The following IL1RAPL1 variants were observed in gnomAD, a reference collection of about 807,000 sequenced individuals.
The protein encoded by IL1RAPL1 is interleukin-1 receptor accessory protein-like 1.
Under a neutral mutation model 48.4 loss-of-function variants are expected in IL1RAPL1, and 3 were observed. The observed-to-expected ratio is 0.06, with a 90% CI of 0.03 to 0.16. IL1RAPL1 has a LOEUF of 0.16. Among genes scored for constraint, IL1RAPL1 ranks in the 10% least tolerant of loss-of-function variants. The probability of loss-of-function intolerance (pLI) is 1.00; values close to 1 mark genes in which losing one functional copy is unlikely to be tolerated. For missense variants in IL1RAPL1, 349 were observed against 530.6 expected (o/e 0.66, Z 3.36); for synonymous variants, 185 against 187.7 (o/e 0.99, Z 0.12).
At chrX:29,038,641 A>G (rs1325441095) in intron 2 of IL1RAPL1, among the ~76,000 whole-genome samples, 3 of 111,889 alleles carry the variant, frequency 2.7e-5, no homozygotes, top group Non-Finnish European at 5.6e-5. Flanking sequence ...TTTAAAATAT[A>G]CTGTTGAGAC....
chrX:28,905,138 T>G (rs2147328659), intron 2 of IL1RAPL1, among the ~76,000 whole-genome samples: 1 of 111,687 alleles, frequency 9.0e-6, no homozygotes, highest in African/African-American at 3.2e-5. Flanking sequence ...TAGATTTCAC[T>G]AGATCTTTAA....
chrX:29,495,255 T>C (rs1935201253), intron 5 of IL1RAPL1, among the ~76,000 whole-genome samples: 1 of 112,131 alleles, frequency 8.9e-6, no homozygotes, highest in Non-Finnish European at 1.9e-5. Flanking sequence ...TTTACCATTA[T>C]TTATGGAAGG....
At chrX:29,916,884 G>T (rs1182455346) in intron 6 of IL1RAPL1, among the ~76,000 whole-genome samples, 1 of 111,641 alleles carries the variant, frequency 9.0e-6, no homozygotes, top group Admixed American at 9.5e-5. Context: ...TTATTGTCAC[G>T]ATTTTTGTTT....
intron 5 of IL1RAPL1, among the ~76,000 whole-genome samples, chrX:29,551,238 A>G (rs1361989598): frequency 4.5e-5 from 5 of 112,086 alleles, no homozygotes; most frequent in Admixed American, 1.9e-4. Flanking sequence ...GGTTGTTTCC[A>G]TGTCTTGGCT....
chrX:29,773,818 T>C (rs1326034375), intron 6 of IL1RAPL1, among the ~76,000 whole-genome samples: 1 of 111,887 alleles, frequency 8.9e-6, no homozygotes, highest in Non-Finnish European at 1.9e-5. Context: ...TGTCTTGCTA[T>C]GCTAAGGCCT....
intron 2 of IL1RAPL1, among the ~76,000 whole-genome samples, chrX:28,823,216 T>C (rs1184994701): frequency 1.8e-5 from 2 of 111,729 alleles, no homozygotes; most frequent in Non-Finnish European, 3.8e-5. Flanking sequence ...GTTGATATTA[T>C]CTCATTTATT....
chrX:29,270,374 TC>T (rs1297446088), intron 2 of IL1RAPL1, among the ~76,000 whole-genome samples: 4 of 112,196 alleles, frequency 3.6e-5, no homozygotes, highest in African/African-American at 1.3e-4. Flanking sequence ...ACAAAGATTC[TC>T]TCCTGTCTTT....
intron 2 of IL1RAPL1, among the ~76,000 whole-genome samples, chrX:29,144,970 C>T (rs1929321623): frequency 9.1e-6 from 1 of 110,147 alleles, no homozygotes; most frequent in Non-Finnish European, 1.9e-5. Flanking sequence ...TTCAAGTGAT[C>T]TGCCCGCCTT....
chrX:29,951,262 C>G (rs1933314996), intron 9 of IL1RAPL1, among the ~76,000 whole-genome samples: 1 of 112,059 alleles, frequency 8.9e-6, no homozygotes, highest in Non-Finnish European at 1.9e-5. Context: ...AGTCACATAC[C>G]TGAGCTAAGG....
At chrX:29,143,517 C>T (rs1331444888) in intron 2 of IL1RAPL1, among the ~76,000 whole-genome samples, 2 of 111,657 alleles carry the variant, frequency 1.8e-5, no homozygotes, top group South Asian at 3.8e-4. Flanking sequence ...GTGATGAAAT[C>T]TCGTGCAGTC....
chrX:29,222,548 A>G (rs189438043), intron 2 of IL1RAPL1, among the ~76,000 whole-genome samples: 48 of 112,128 alleles, frequency 4.3e-4, no homozygotes, highest in Non-Finnish European at 4.7e-4. Context: ...AGAAAATTGT[A>G]GTTAGTATTA....
chrX:28,988,563 A>G (rs752691769), intron 2 of IL1RAPL1, among the ~76,000 whole-genome samples: 3 of 111,850 alleles, frequency 2.7e-5, no homozygotes, highest in Non-Finnish European at 5.6e-5. Context: ...TACAACCCAC[A>G]TATCTGTCAC....
chrX:29,632,837 C>A (rs757587117), intron 5 of IL1RAPL1, among the ~76,000 whole-genome samples: 252 of 111,749 alleles, frequency 2.3e-3, no homozygotes, highest in African/African-American at 7.8e-3. Context: ...TCTGTCAATC[C>A]TATCTCACAA....
intron 2 of IL1RAPL1, among the ~76,000 whole-genome samples, chrX:29,098,052 G>A (rs1000145037): frequency 5.3e-5 from 6 of 112,205 alleles, no homozygotes; most frequent in South Asian, 3.7e-4. Flanking sequence ...CAATTTTCTC[G>A]TTAATTACAG....
At chrX:29,088,204 A>G (rs1927996703) in intron 2 of IL1RAPL1, among the ~76,000 whole-genome samples, 2 of 112,193 alleles carry the variant, frequency 1.8e-5, no homozygotes, top group Non-Finnish European at 3.8e-5. Context: ...GGTTGTGGCA[A>G]TTATCAAAGA....
At chrX:29,803,970 A>C (rs1930190813) in intron 6 of IL1RAPL1, among the ~76,000 whole-genome samples, 1 of 111,252 alleles carries the variant, frequency 9.0e-6, no homozygotes, top group Non-Finnish European at 1.9e-5. Context: ...AATATGCTTG[A>C]TTATAGTTTT....
intron 5 of IL1RAPL1, among the ~76,000 whole-genome samples, chrX:29,484,512 A>G (rs1935076702): frequency 8.9e-6 from 1 of 112,166 alleles, no homozygotes; most frequent in Non-Finnish European, 1.9e-5. Context: ...AAAAAATACT[A>G]TATTAGATCA....
chrX:29,783,044 A>G (rs919512095), intron 6 of IL1RAPL1, among the ~76,000 whole-genome samples: 3 of 105,155 alleles, frequency 2.9e-5, no homozygotes, highest in Non-Finnish European at 2.0e-5. Flanking sequence ...AGCTGGGACT[A>G]CAGGCGCCTG....
At chrX:28,669,707 TATA>T (rs1343055396) in intron 1 of IL1RAPL1, among the ~76,000 whole-genome samples, 16 of 104,633 alleles carry the variant, frequency 1.5e-4, no homozygotes, top group African/African-American at 4.5e-4. Flanking sequence ...ATAAATTATA[TATA>T]ATTATATCAT....
Sources: gnomAD v4.1 joint callset for allele counts (sites outside exome capture counted in the v4.1 genomes callset) on GRCh38, gnomAD v4.1.1 for gene constraint, MANE v1.5 for transcripts, NCBI Gene and HGNC (gene_info 2026-07-23, HGNC 2026-07-21) for gene names.